CDK13: variants seen among roughly 807,000 people sequenced by gnomAD.
CDK13 encodes cyclin dependent kinase 13.
Under a neutral mutation model 137.6 loss-of-function variants are expected in CDK13, and 40 were observed. The observed-to-expected ratio is 0.29, with a 90% CI of 0.23 to 0.38. The LOEUF is 0.38. Ranked by LOEUF, CDK13 falls within the 10% of genes least tolerant of loss-of-function variation. The probability of loss-of-function intolerance (pLI) is 1.00; values close to 1 mark genes in which losing one functional copy is unlikely to be tolerated. For missense variants in CDK13, 1,704 were observed against 1,951.8 expected (o/e 0.87, Z 2.39); for synonymous variants, 869 against 760.1 (o/e 1.14, Z -2.36).
intron 1 of CDK13, among the ~76,000 whole-genome samples, chr7:39,973,544 T>A (rs749621598): frequency 2.6e-5 from 4 of 152,220 alleles, no homozygotes; most frequent in Admixed American, 6.5e-5. Context: ...GATTTACAAA[T>A]AATTTCTTTC....
At chr7:40,013,178 A>G (rs1784932756) in intron 5 of CDK13, among the ~76,000 whole-genome samples, 1 of 152,212 alleles carries the variant, frequency 6.6e-6, no homozygotes, top group African/African-American at 2.4e-5. Flanking sequence ...TATATGTGTG[A>G]TTCTACTTAT....
In CDK13 at chr7:39,950,941, A is replaced by G. The variant is rs2116051219; in HGVS notation, c.300A>G (p.Gly100=). The G allele has an allele frequency of 7.6e-7, 1 of 1,312,176 alleles. No individual in the cohort carries two copies. The highest frequency in any genetic ancestry group is 9.7e-7 in the Non-Finnish European group (1 of 1,035,300). The allele number at this position is 1,312,176 out of a possible 1,614,324, so 81.3% of individuals were successfully genotyped here. A position where few individuals can be genotyped will look rare whatever the true frequency, so the allele number is the denominator to read the frequency against. Residue 100 remains glycine (G), a synonymous_variant, in exon 1 of 14, where the codon GGA becomes GGG. Coordinates refer to ENST00000181839, the MANE Select transcript of CDK13 (RefSeq NM_003718.5). ...TGGCGAGAGGCAAGAGGCGCGCAGG[A>G]GGGCGGCAGAAGCGGCGTCGCGGGC... The part of the protein sequence containing the change: ...KRLARGKRRA[G]GRQKRRRGPR...
intron 1 of CDK13, among the ~76,000 whole-genome samples, chr7:39,970,296 C>A (rs937828967): frequency 6.6e-6 from 1 of 151,928 alleles, no homozygotes. Context: ...CCACTGTGTT[C>A]GGCCAGATTT....
At chr7:39,974,286 G>A (rs1264233609) in intron 1 of CDK13, among the ~76,000 whole-genome samples, 1 of 151,410 alleles carries the variant, frequency 6.6e-6, no homozygotes, top group Non-Finnish European at 1.5e-5. Context: ...GGGTGGTCTT[G>A]AACTCCTAGG....
chr7:40,034,517 C>G (rs1211047293), intron 5 of CDK13, among the ~76,000 whole-genome samples: 1 of 152,014 alleles, frequency 6.6e-6, no homozygotes, highest in East Asian at 1.9e-4. Context: ...GCATAATATA[C>G]TACAATATGG....
chr7:40,036,404 T>C lies in CDK13; in HGVS notation c.2354-9432T>C, dbSNP rs1785484284. 1.3e-5 allele frequency among the ~76,000 whole-genome samples: 2 copies of C among 152,096 alleles called. 1 individual carries two copies. Among genetic ancestry groups the C allele is most frequent in the South Asian group, 4.1e-4 (2 of 4,822 alleles). On this transcript the variant is annotated intron_variant, in intron 5 of 13. Transcript: ENST00000181839. The stretch of plus-strand genomic sequence containing the variant: ...CTGGCCAACATGGCGAAACCCTGTC[T>C]CTACCAAAAGTACAACAATTAGCCA...
At chr7:39,991,203 C>G (rs979759206) in intron 2 of CDK13, among the ~76,000 whole-genome samples, 1 of 152,006 alleles carries the variant, frequency 6.6e-6, no homozygotes, top group Admixed American at 6.5e-5. Flanking sequence ...TTTTGCTGAA[C>G]AGCTATTAGT....
At chr7:40,035,395 G>A (rs1785459847) in intron 5 of CDK13, among the ~76,000 whole-genome samples, 1 of 152,084 alleles carries the variant, frequency 6.6e-6, no homozygotes, top group Non-Finnish European at 1.5e-5. Flanking sequence ...GGAGGTGAGT[G>A]GAAGGTGAGC....
chr7:40,052,096 G>A (rs946297368), intron 7 of CDK13, among the ~76,000 whole-genome samples: 4 of 152,004 alleles, frequency 2.6e-5, no homozygotes, highest in African/African-American at 4.8e-5. Flanking sequence ...TTATGTGACC[G>A]TCCTGTATGA....
chr7:39,975,378 C>T (rs1784084180), intron 1 of CDK13, among the ~76,000 whole-genome samples: 1 of 152,074 alleles, frequency 6.6e-6, no homozygotes, highest in Non-Finnish European at 1.5e-5. Flanking sequence ...CACCACTGCA[C>T]TCCAGCCTGG....
intron 5 of CDK13, among the ~76,000 whole-genome samples, chr7:40,026,049 C>G (rs1270138145): frequency 6.6e-6 from 1 of 152,166 alleles, no homozygotes; most frequent in East Asian, 1.9e-4. Context: ...TGCTCTGATT[C>G]TTTCTAACCC....
intron 1 of CDK13, chr7:39,985,747 G>T (rs1450431343): frequency 6.6e-6 from 1 of 152,188 alleles, no homozygotes; most frequent in Non-Finnish European, 1.5e-5. Context: ...TCTTATAAGA[G>T]ACTTTAATGC....
At chr7:39,993,997 T>A (rs1214931700) in intron 2 of CDK13, among the ~76,000 whole-genome samples, 1 of 152,092 alleles carries the variant, frequency 6.6e-6, no homozygotes, top group Non-Finnish European at 1.5e-5. Context: ...GTATGGTATT[T>A]TCTTGAATGT....
rs1246526532 is a variant in CDK13, at chr7:40,093,084, G to A, written c.3535G>A (p.Val1179Met). The A allele has an allele frequency of 6.2e-7, 1 of 1,614,096 alleles. No individual in the cohort carries two copies. Among genetic ancestry groups the A allele is most frequent in the African/African-American group, 1.3e-5 (1 of 74,934 alleles). ...GGAGACTGATGCTGCCCAGGCGGCT[G>A]TGCAGAGTGCATTTGCAGTTCTGTT... The part of the protein sequence containing the change: ...KVETDAAQAA[V>M]QSAFAVLLTQ... Residue 1179 changes from valine to methionine, a missense_variant, in exon 13 of 14, where the codon GTG (valine) becomes ATG (methionine). By Grantham distance (21) the Val-to-Met change is conservative. Coordinates refer to ENST00000181839, the MANE Select transcript of CDK13 (RefSeq NM_003718.5).
intron 1 of CDK13, among the ~76,000 whole-genome samples, chr7:39,972,647 G>A (rs1472055867): frequency 1.3e-5 from 2 of 152,136 alleles, no homozygotes; most frequent in East Asian, 3.8e-4. Flanking sequence ...TGTAGTATAT[G>A]GATCAATATT....
At chr7:39,952,911 T>G (rs1345048146) in intron 1 of CDK13, 1 of 152,178 alleles carries the variant, frequency 6.6e-6, no homozygotes, top group Non-Finnish European at 1.5e-5. Context: ...AAAAACAACT[T>G]TCGAGTATTT....
chr7:39,951,176 G>T lies in CDK13; in HGVS notation c.535G>T (p.Gly179Trp). ...TGCCGGGGGAACGGGGGGCAGCGGC[G>T]GGAGTCCGGCCTCCTCCTCCGGCAC... Reference protein sequence around the residue: ...TAAGGTGGSGGSPASSSGTQR... With the variant: ...TAAGGTGGSGWSPASSSGTQR... Residue 179 changes from glycine to tryptophan, a missense_variant, in exon 1 of 14, where the codon GGG becomes TGG. By Grantham distance (184) the Gly-to-Trp change is radical. Coordinates refer to ENST00000181839, the MANE Select transcript of CDK13 (RefSeq NM_003718.5). 8.0e-7 allele frequency: 1 copy of T among 1,243,450 alleles called. No homozygotes were observed. Among genetic ancestry groups the T allele is most frequent in the South Asian group, 3.7e-5 (1 of 27,264 alleles). 77.0% of individuals were successfully genotyped at this position (1,243,450 alleles called of 1,614,324 possible). A position where few individuals can be genotyped will look rare whatever the true frequency, so the allele number is the denominator to read the frequency against.
chr7:40,015,680 A>T (rs1784988985), intron 5 of CDK13, among the ~76,000 whole-genome samples: 1 of 152,134 alleles, frequency 6.6e-6, no homozygotes, highest in African/African-American at 2.4e-5. Flanking sequence ...TAAAAATTTT[A>T]GTTTTAGTCC....
intron 5 of CDK13, among the ~76,000 whole-genome samples, chr7:40,030,270 TATATAG>T (rs1186546220): frequency 1.4e-5 from 2 of 142,284 alleles, no homozygotes; most frequent in Admixed American, 1.4e-4. Flanking sequence ...TGTATATATA[TATATAG>T]AGAGAGAGAG....
Sources: allele counts gnomAD v4.1 joint callset (sites outside exome capture counted in the v4.1 genomes callset), GRCh38; gene constraint gnomAD v4.1.1; transcripts MANE v1.5; gene names NCBI Gene and HGNC (gene_info 2026-07-23, HGNC 2026-07-21).